TAFA1: variants seen among roughly 807,000 people sequenced by gnomAD.
TAFA1 encodes TAFA chemokine like family member 1.
A neutral mutation model predicts 18.5 loss-of-function variants in TAFA1; 4 were observed. The observed-to-expected ratio is 0.22, with a 90% CI of 0.11 to 0.49. TAFA1 has a LOEUF of 0.49. TAFA1 is among the 20% of genes least tolerant of loss of function. TAFA1 has a pLI of 0.98. For missense variants in TAFA1, 147 were observed against 169.0 expected, an observed-to-expected ratio of 0.87 and a Z score of 0.72; for synonymous variants, 56 against 55.2, an observed-to-expected ratio of 1.01 and a Z score of -0.06.
At chr3:68,095,289 GTTTCA>G (rs2065075161) in intron 2 of TAFA1, among the ~76,000 whole-genome samples, 1 of 152,120 alleles carries the variant, frequency 6.6e-6, no homozygotes, top group African/African-American at 2.4e-5. Flanking sequence ...ATATCTCTGA[GTTTCA>G]TTTAAGTGGT....
intron 3 of TAFA1, among the ~76,000 whole-genome samples, chr3:68,513,790 A>G (rs949384565): frequency 2.6e-5 from 4 of 152,232 alleles, no homozygotes; most frequent in African/African-American, 9.6e-5. Context: ...CCATTGAGAC[A>G]TAAGCTGATA....
intron 3 of TAFA1, among the ~76,000 whole-genome samples, chr3:68,426,634 A>T (rs947382277): frequency 6.6e-6 from 1 of 151,900 alleles, no homozygotes; most frequent in Non-Finnish European, 1.5e-5. Flanking sequence ...AGACAAAAAA[A>T]TTACATTTAA....
rs1276109963 is a variant in TAFA1 at position 68,343,708 on chromosome 3, T to C, written c.119-73572T>C. Among the ~76,000 whole-genome samples the C allele has an allele frequency of 7.9e-5, 12 of 152,350 alleles. No individual in the cohort carries two copies. In the East Asian group the frequency reaches 2.3e-3, roughly 29 times the overall value. ...CACTTGTTGCCACATATTTTTTTTA[T>C]GTTGTCCTGTTTGTGTAGCCGGGTT... is the stretch of plus-strand genomic sequence containing the variant. On this transcript the variant is annotated intron_variant, in intron 2 of 4. Transcript: ENST00000478136.
intron 3 of TAFA1, among the ~76,000 whole-genome samples, chr3:68,514,021 C>T (rs1157425289): frequency 6.6e-6 from 1 of 152,092 alleles, no homozygotes; most frequent in South Asian, 2.1e-4. Context: ...CTGGTGAGGG[C>T]CACTTCCCCA....
intron 3 of TAFA1, among the ~76,000 whole-genome samples, chr3:68,497,588 G>A (rs571974120): frequency 7.9e-5 from 12 of 152,262 alleles, no homozygotes; most frequent in African/African-American, 2.6e-4. Context: ...CCTAAGCTAG[G>A]AAACAGCCTG....
At chr3:68,102,585 A>G (rs557059283) in intron 2 of TAFA1, among the ~76,000 whole-genome samples, 2 of 152,302 alleles carry the variant, frequency 1.3e-5, no homozygotes, top group East Asian at 1.9e-4. Context: ...CAGCACTCCT[A>G]TAAAAAATTG....
chr3:68,478,507 T>C (rs761898741), intron 3 of TAFA1, among the ~76,000 whole-genome samples: 10 of 152,218 alleles, frequency 6.6e-5, no homozygotes, highest in Non-Finnish European at 1.5e-4. Context: ...TCACCTTCCA[T>C]AAGAAGCTAA....
intron 3 of TAFA1, among the ~76,000 whole-genome samples, chr3:68,433,351 T>G (rs963989106): frequency 6.6e-6 from 1 of 152,080 alleles, no homozygotes; most frequent in African/African-American, 2.4e-5. Flanking sequence ...CATTATCACC[T>G]TTTCACCTTG....
intron 2 of TAFA1, among the ~76,000 whole-genome samples, chr3:68,383,191 T>C (rs926154431): frequency 5.3e-5 from 8 of 152,138 alleles, no homozygotes; most frequent in African/African-American, 1.9e-4. Flanking sequence ...TTCTGTTGTC[T>C]GATTTCACCA....
intron 3 of TAFA1, among the ~76,000 whole-genome samples, chr3:68,430,373 C>CAT (rs1361226138): frequency 6.6e-6 from 1 of 151,908 alleles, no homozygotes; most frequent in Non-Finnish European, 1.5e-5. Flanking sequence ...AATGAAATTG[C>CAT]ATGAGACAGA....
intron 2 of TAFA1, among the ~76,000 whole-genome samples, chr3:68,146,355 T>C (rs1005026251): frequency 1.3e-5 from 2 of 152,196 alleles, no homozygotes; most frequent in Non-Finnish European, 2.9e-5. Context: ...TATCTTTAGA[T>C]GCCGTCTTTC....
chr3:68,040,875 T>C (rs1705149941), intron 2 of TAFA1, among the ~76,000 whole-genome samples: 1 of 152,216 alleles, frequency 6.6e-6, no homozygotes, highest in Non-Finnish European at 1.5e-5. Flanking sequence ...TAAAAAGTTT[T>C]GAGCAAAGTA....
At chr3:68,213,494 C>A (rs1175491815) in intron 2 of TAFA1, among the ~76,000 whole-genome samples, 1 of 152,048 alleles carries the variant, frequency 6.6e-6, no homozygotes, top group African/African-American at 2.4e-5. Flanking sequence ...AATCAGAGTG[C>A]TATTACCAAA....
intron 2 of TAFA1, among the ~76,000 whole-genome samples, chr3:68,042,814 C>G (rs538960534): frequency 3.9e-5 from 6 of 152,176 alleles, no homozygotes; most frequent in Admixed American, 1.3e-4. Flanking sequence ...GACTCCAGTT[C>G]AATTCCTCAA....
chr3:68,381,545 G>A (rs939155871), intron 2 of TAFA1, among the ~76,000 whole-genome samples: 2 of 152,170 alleles, frequency 1.3e-5, no homozygotes, highest in Non-Finnish European at 2.9e-5. Flanking sequence ...GTGAATGGGA[G>A]TTCACTCATG....
the TAFA1 span, among the ~76,000 whole-genome samples, chr3:67,997,276 T>C: frequency 6.6e-6 from 1 of 152,188 alleles, no homozygotes; most frequent in South Asian, 2.1e-4. Context: ...AAATTTATGG[T>C]ATACCAGATA....
intron 2 of TAFA1, among the ~76,000 whole-genome samples, chr3:68,029,085 A>G (rs2106646379): frequency 6.6e-6 from 1 of 152,092 alleles, no homozygotes; most frequent in East Asian, 1.9e-4. Context: ...TTGACATTGG[A>G]TTTAAGGCCA....
At position 68,440,872 on chromosome 3, in the gene TAFA1, G is replaced by T. The variant is rs559862297; in HGVS notation, c.259+23452G>T. ...CCCCTTCTTAGCCTGTTGACTTAAAGGTAGAGGAGCCCAAAGTGTCCAGGT... is the reference window on the plus strand; with the variant it reads ...CCCCTTCTTAGCCTGTTGACTTAAATGTAGAGGAGCCCAAAGTGTCCAGGT... On this transcript the variant is annotated intron_variant, in intron 3 of 4. Coordinates refer to ENST00000478136, the MANE Select transcript of TAFA1 (RefSeq NM_213609.4). Among the ~76,000 whole-genome samples the T allele has an allele frequency of 2.6e-5, 4 of 152,276 alleles. No individual in the cohort carries two copies. In the East Asian group the frequency reaches 7.7e-4, roughly 29 times the overall value.
chr3:68,187,462 C>T (rs1247659752), intron 2 of TAFA1, among the ~76,000 whole-genome samples: 1 of 152,100 alleles, frequency 6.6e-6, no homozygotes, highest in Non-Finnish European at 1.5e-5. Flanking sequence ...TGGGCTGATA[C>T]ACTCATTGTG....
Sources: gnomAD v4.1 joint callset for allele counts (sites outside exome capture counted in the v4.1 genomes callset) on GRCh38, gnomAD v4.1.1 for gene constraint, MANE v1.5 for transcripts, NCBI Gene and HGNC (gene_info 2026-07-23, HGNC 2026-07-21) for gene names.